The following LRP1 variants were observed in gnomAD, a reference collection of about 807,000 sequenced individuals.
LRP1 encodes the protein LDL receptor related protein 1.
A neutral mutation model predicts 541.5 loss-of-function variants in LRP1; 51 were observed. That is an observed-to-expected ratio of 0.09 (90% confidence interval 0.08 to 0.12). The LOEUF is 0.12. LRP1 is among the 10% of genes least tolerant of loss of function. The pLI, the probability that LRP1 is intolerant of heterozygous loss-of-function variation, is 1.00. For synonymous variants in LRP1, 2,219 were observed against 2,470.8 expected, an observed-to-expected ratio of 0.90 and a Z score of 3.02; for missense variants, 3,878 against 6,376.2, an observed-to-expected ratio of 0.61 and a Z score of 13.34.
rs2035827879 is a variant in LRP1, at chr12:57,165,859, C to T, written c.2585C>T (p.Ala862Val). Residue 862 changes from alanine (A) to valine (V), a missense_variant, in exon 16 of 89, where the codon GCC (alanine) becomes GTC (valine). By Grantham distance (64) the Ala-to-Val change is moderately conservative. Transcript: ENST00000243077. The surrounding 1 kb of genome is among the most constrained non-coding windows in gnomAD (Gnocchi z 4.5). Reference protein sequence around the residue: ...PQCQPGEFACANSRCIQERWK... With the variant: ...PQCQPGEFACVNSRCIQERWK... ...TGCCAGCCAGGCGAGTTTGCCTGTG[C>T]CAACAGCCGCTGCATCCAGGAGCGC... The T allele has an allele frequency of 6.2e-7, 1 of 1,614,228 alleles. No homozygotes were observed. The highest frequency in any genetic ancestry group is 8.5e-7 in the Non-Finnish European group (1 of 1,180,046).
chr12:57,181,354 AC>A lies in LRP1; in HGVS notation c.5662+64del. 4 of 1,543,484 alleles carry A rather than the reference AC, an allele frequency of 2.6e-6. No homozygotes were observed. In the South Asian group the frequency reaches 4.9e-5, roughly 19 times the overall value. Reference sequence around the variant, plus strand: ...CCCCAACCCTGACCCCTCCTACCCTACAGCCCCACCTTCCTCTTCTTACCTT... The same window carrying A: ...CCCCAACCCTGACCCCTCCTACCCTAAGCCCCACCTTCCTCTTCTTACCTT... On this transcript the variant is annotated intron_variant, in intron 34 of 88. Coordinates refer to ENST00000243077, the MANE Select transcript of LRP1 (RefSeq NM_002332.3).
chr12:57,148,796 G>A (rs2035466928), intron 6 of LRP1, among the ~76,000 whole-genome samples: 1 of 152,156 alleles, frequency 6.6e-6, no homozygotes, highest in African/African-American at 2.4e-5. Flanking sequence ...GTCTGAAGGG[G>A]CTCTCAGAGG....
At position 57,162,609 on chromosome 12, in the gene LRP1, T is replaced by A; in HGVS notation, c.2404+91T>A. On this transcript the variant is annotated intron_variant, in intron 14 of 88. Coordinates refer to ENST00000243077, the MANE Select transcript of LRP1 (RefSeq NM_002332.3). This position sits in a 1 kb window ranked among gnomAD's most constrained non-coding sequence, Gnocchi z 5.2. ...GAGACTTCCCTGGGAGTGAAGGCAC[T>A]TCCCAGGGATCCTAGGCTCTGACTT... 7.1e-7 allele frequency: 1 copy of A among 1,414,754 alleles called. No individual in the cohort carries two copies. The highest frequency in any genetic ancestry group is 2.4e-5 in the East Asian group (1 of 42,234). The allele number at this position is 1,414,754 out of a possible 1,614,324, so 87.6% of individuals were successfully genotyped here.
Position 57,208,198 on chromosome 12 carries a change from T to C in LRP1, c.12020T>C (p.Val4007Ala). 1 of 1,613,762 alleles carries C rather than the reference T, an allele frequency of 6.2e-7. No individual in the cohort carries two copies. Among genetic ancestry groups the C allele is most frequent in the East Asian group, 2.2e-5 (1 of 44,884 alleles). ...ATGATTGACGAGCCCCACGCCATTG[T>C]GGTGGACCCACTGAGGGGGTGGGCA... ...SGMIDEPHAIVVDPLRGTMYW... is the reference protein window; with the variant it reads ...SGMIDEPHAIAVDPLRGTMYW... The change falls in exon 77 of 89, where the codon GTG (valine) becomes GCG (alanine). Residue 4007 changes from valine (V) to alanine (A), a missense_variant. Val to Ala is a moderately conservative substitution (Grantham distance 64). This residue lies in a region of LRP1 where 871 missense variants were observed against 1,212.4 expected (regional missense o/e 0.72). Transcript: ENST00000243077.
rs2036102350 is a variant in LRP1 at position 57,178,840 on chromosome 12, A to G, written c.4607-50A>G. The G allele has an allele frequency of 6.3e-7, 1 of 1,581,000 alleles. No individual in the cohort carries two copies. Among genetic ancestry groups the G allele is most frequent in the African/African-American group, 1.4e-5 (1 of 74,050 alleles). ...GGAAGGGGTGGTCCATGTAGGGAGC[A>G]GCAAGTCACAGGATGCTCTGGCTTC... On this transcript the variant is annotated intron_variant, in intron 27 of 88. Coordinates refer to ENST00000243077, the MANE Select transcript of LRP1 (RefSeq NM_002332.3). The surrounding 1 kb of genome is among the most constrained non-coding windows in gnomAD (Gnocchi z 5.8).
rs1483293936 is a variant in LRP1 at position 57,178,685 on chromosome 12, G to A, written c.4606+82G>A. On this transcript the variant is annotated intron_variant, in intron 27 of 88. Transcript: ENST00000243077. The surrounding 1 kb of genome is among the most constrained non-coding windows in gnomAD (Gnocchi z 5.8). ...TGTAGAAGCTCTTAGGAGAGGAGAG[G>A]GCAGTGAGAACAGGAGCAAGTCTGT... 1 of 1,590,088 alleles carries A rather than the reference G, an allele frequency of 6.3e-7. No homozygotes were observed.
intron 11 of LRP1, 95 bp from the exon 12 acceptor site, chr12:57,159,730 A>C: frequency 7.8e-7 from 1 of 1,274,596 alleles, no homozygotes; most frequent in Non-Finnish European, 1.1e-6. Context: ...TGTAGCCCAG[A>C]CTGCTCAAAG....
At chr12:57,134,711 T>C (rs915129739) in intron 1 of LRP1, among the ~76,000 whole-genome samples, 3 of 151,838 alleles carry the variant, frequency 2.0e-5, no homozygotes, top group African/African-American at 7.3e-5. Context: ...TTCTTTCTTT[T>C]TTTTTTCTTT....
rs1221991331 is a variant in LRP1 at position 57,177,002 on chromosome 12, C to G, written c.3992-39C>G. 1.0e-5 allele frequency: 16 copies of G among 1,563,460 alleles called. No individual in the cohort carries two copies. The highest frequency in any genetic ancestry group is 1.7e-5 in the Admixed American group (1 of 59,942). On this transcript the variant is annotated intron_variant, in intron 24 of 88. Coordinates refer to ENST00000243077, the MANE Select transcript of LRP1 (RefSeq NM_002332.3). The surrounding 1 kb of genome is among the most constrained non-coding windows in gnomAD (Gnocchi z 6.8). ...ATTTCACACATTCATGCACAGCTCC[C>G]CAGGAGACGCTAACCTTTCACTGCC...
At chr12:57,150,096 A>AGC (rs1212112292) in intron 6 of LRP1, 1 of 234,900 alleles carries the variant, frequency 4.3e-6, no homozygotes, top group Non-Finnish European at 8.3e-6. Context: ...GACAAAAGGC[A>AGC]GCGCTCTCCT....
chr12:57,156,999 CCT>C lies in LRP1; in HGVS notation c.1561+82_1561+83del. 1 of 1,445,856 alleles carries C rather than the reference CCT, an allele frequency of 6.9e-7. No individual in the cohort carries two copies. The highest frequency in any genetic ancestry group is 9.2e-7 in the Non-Finnish European group (1 of 1,087,476). 89.6% of individuals were successfully genotyped at this position (1,445,856 alleles called of 1,614,324 possible). A position where few individuals can be genotyped will look rare whatever the true frequency, so the allele number is the denominator to read the frequency against. On this transcript the variant is annotated intron_variant, in intron 10 of 88. Transcript: ENST00000243077. The surrounding 1 kb of genome is among the most constrained non-coding windows in gnomAD (Gnocchi z 5.2). ...TCAGGTGTCCCCCACAGCCCGGCTG[CCT>C]CTGTCTGACATGCAGGGAGATGAAG... is the stretch of plus-strand genomic sequence containing the variant.
At chr12:57,195,460 A>T in intron 52 of LRP1, 61 bp downstream of exon 52, 1 of 1,590,094 alleles carries the variant, frequency 6.3e-7, no homozygotes, top group South Asian at 1.1e-5. Context: ...CACTTTGCAG[A>T]TGGGGAAGCC....
In LRP1 at chr12:57,200,826, G is replaced by GGACCCCCC; in HGVS notation, c.10225+11_10225+12insGACCCCCC. 1.3e-6 allele frequency: 2 copies of GGACCCCCC among 1,581,438 alleles called. No individual in the cohort carries two copies. Among genetic ancestry groups the GGACCCCCC allele is most frequent in the East Asian group, 2.2e-5 (1 of 44,480 alleles). On this transcript the variant is annotated intron_variant, in intron 64 of 88. Coordinates refer to ENST00000243077, the MANE Select transcript of LRP1 (RefSeq NM_002332.3). ...ACGAGGCCAACTGTGGTAAGGCGCT[G>GGACCCCCC]CCCGCCCACCCTCCCTCCTTCCCCA...
Position 57,138,590 on chromosome 12 carries a change from C to A in LRP1, c.190+9C>A, listed in dbSNP as rs1265084491. ...CGAGGCCCCTGAGATTTGTAAGTACCTTTTCTGGATTCTTCTCCCCAAACC... is the reference window on the plus strand; with the variant it reads ...CGAGGCCCCTGAGATTTGTAAGTACATTTTCTGGATTCTTCTCCCCAAACC... On this transcript the variant is annotated intron_variant, in intron 2 of 88. Transcript: ENST00000243077. The A allele has an allele frequency of 1.9e-6, 3 of 1,613,614 alleles. No homozygotes were observed. The highest frequency in any genetic ancestry group is 3.3e-5 in the Admixed American group (2 of 59,922).
Position 57,206,832 on chromosome 12 carries a change from C to T in LRP1, c.11859+91C>T, listed in dbSNP as rs1389141257. 24 of 1,431,662 alleles carry T rather than the reference C, an allele frequency of 1.7e-5. No individual in the cohort carries two copies. Among genetic ancestry groups the T allele is most frequent in the Middle Eastern group, 2.4e-4 (1 of 4,094 alleles). 88.7% of individuals were successfully genotyped at this position (1,431,662 alleles called of 1,614,324 possible). On this transcript the variant is annotated intron_variant, in intron 76 of 88. Coordinates refer to ENST00000243077, the MANE Select transcript of LRP1 (RefSeq NM_002332.3). The surrounding 1 kb of genome is among the most constrained non-coding windows in gnomAD (Gnocchi z 4.7). ...TTTGAAAAGGGCAGTGCTGGCTAGG[C>T]GCAGTGGCTCACGCCTATAATCCCA...
rs750104780 is a variant in LRP1 at position 57,185,009 on chromosome 12, G to C, written c.6338+19G>C. 3 of 1,613,830 alleles carry C rather than the reference G, an allele frequency of 1.9e-6. No homozygotes were observed. Among genetic ancestry groups the C allele is most frequent in the Non-Finnish European group, 2.5e-6 (3 of 1,179,776 alleles). On this transcript the variant is annotated intron_variant, in intron 39 of 88. Transcript: ENST00000243077. The surrounding 1 kb of genome is among the most constrained non-coding windows in gnomAD (Gnocchi z 4.9). The stretch of plus-strand genomic sequence containing the variant: ...GTGACAGGTGAGGGCTTCTGTCCTG[G>C]CCTCCTCAGCTGATCTCTTCCTTCC...
In LRP1 at chr12:57,189,451, C is replaced by G. The variant is rs1301200589; in HGVS notation, c.7032-1354C>G. Among the ~76,000 whole-genome samples the G allele has an allele frequency of 6.6e-6, 1 of 152,214 alleles. No individual in the cohort carries two copies. Among genetic ancestry groups the G allele is most frequent in the Non-Finnish European group, 1.5e-5 (1 of 68,034 alleles). ...TCCAGAGCCACCGCAAACCCCTGCT[C>G]TCCTCCAGGATGAGGCCCTTAAGAT... On this transcript the variant is annotated intron_variant, in intron 42 of 88. Coordinates refer to ENST00000243077, the MANE Select transcript of LRP1 (RefSeq NM_002332.3). This position sits in a 1 kb window ranked among gnomAD's most constrained non-coding sequence, Gnocchi z 4.4.
chr12:57,192,666 C>T (rs997207291), intron 44 of LRP1, among the ~76,000 whole-genome samples, 179 bp from the exon 45 acceptor site: 1 of 152,262 alleles, frequency 6.6e-6, no homozygotes, highest in Non-Finnish European at 1.5e-5. Context: ...ACCCCATGCA[C>T]CTGGCCCTCC....
At position 57,154,635 on chromosome 12, in the gene LRP1, T is replaced by C. The variant is rs142243397; in HGVS notation, c.1161T>C (p.Tyr387=). Residue 387 remains tyrosine, a synonymous_variant, in exon 8 of 89, where the codon TAT becomes TAC. Transcript: ENST00000243077. This position sits in a 1 kb window ranked among gnomAD's most constrained non-coding sequence, Gnocchi z 4.6. ...VSRLVYWADA[Y]LDYIEVVDYE... is the part of the protein sequence containing the mutation. ...GCCTTGTCTACTGGGCAGATGCCTA[T>C]CTGGACTATATTGAAGTGGTGGACT... 3 of 1,600,744 alleles carry C rather than the reference T, an allele frequency of 1.9e-6. No homozygotes were observed. The highest frequency in any genetic ancestry group is 2.6e-6 in the Non-Finnish European group (3 of 1,173,250).
Sources: gnomAD v4.1 joint callset for allele counts (sites outside exome capture counted in the v4.1 genomes callset) on GRCh38, gnomAD v4.1.1 for gene constraint, gnomAD v4.1.1 regional missense constraint, Gnocchi (gnomAD v3.1) non-coding constraint, MANE v1.5 for transcripts, NCBI Gene and HGNC (gene_info 2026-07-23, HGNC 2026-07-21) for gene names.